The following FAM13A variants were observed in gnomAD, a reference collection of about 807,000 sequenced individuals.
FAM13A encodes the protein protein FAM13A.
A neutral mutation model predicts 129.6 loss-of-function variants in FAM13A; 76 were observed. That is an observed-to-expected ratio of 0.59 (90% CI 0.49 to 0.71). FAM13A has a LOEUF of 0.71. Among genes scored for constraint, FAM13A ranks in the 30% least tolerant of loss-of-function variants. FAM13A has a pLI of 0.00. For synonymous variants in FAM13A, 443 were observed against 449.9 expected (o/e 0.98, Z 0.20); for missense variants, 1,108 against 1,249.3 (o/e 0.89, Z 1.70).
At chr4:88,808,919 ATAAC>A (rs1354079134) in intron 7 of FAM13A, among the ~76,000 whole-genome samples, 1 of 152,172 alleles carries the variant, frequency 6.6e-6, no homozygotes, top group Non-Finnish European at 1.5e-5. Context: ...ATAGACCTAA[ATAAC>A]AGTCTAAATC....
intron 4 of FAM13A, among the ~76,000 whole-genome samples, chr4:88,938,913 C>T (rs756452878): frequency 3.3e-5 from 5 of 152,092 alleles, no homozygotes; most frequent in Non-Finnish European, 5.9e-5. Context: ...TCCTACTAAT[C>T]AACAGGTAAG....
At chr4:89,018,554 A>T (rs1410523939) in intron 3 of FAM13A, among the ~76,000 whole-genome samples, 1 of 152,252 alleles carries the variant, frequency 6.6e-6, no homozygotes, top group African/African-American at 2.4e-5. Context: ...ATTCTAAGCA[A>T]AAATGCTAGA....
At chr4:88,849,529 G>C (rs898096002) in intron 7 of FAM13A, among the ~76,000 whole-genome samples, 42 of 152,234 alleles carry the variant, frequency 2.8e-4, no homozygotes, top group African/African-American at 9.1e-4. Context: ...TTATGTCTCA[G>C]AACAAACTTT....
chr4:88,758,176 G>C (rs186554961), intron 14 of FAM13A, among the ~76,000 whole-genome samples: 2 of 151,734 alleles, frequency 1.3e-5, no homozygotes, highest in Non-Finnish European at 2.9e-5. Flanking sequence ...AAAGTCTCTA[G>C]GAAAAAAAAC....
At chr4:89,045,311 G>A (rs1770707639) in intron 1 of FAM13A, among the ~76,000 whole-genome samples, 1 of 152,066 alleles carries the variant, frequency 6.6e-6, no homozygotes, top group African/African-American at 2.4e-5. Context: ...CTCAGTAAGG[G>A]GCAGAGAGGA....
At chr4:89,039,802 T>A (rs1052790914) in intron 1 of FAM13A, among the ~76,000 whole-genome samples, 20 of 151,904 alleles carry the variant, frequency 1.3e-4, no homozygotes, top group Non-Finnish European at 1.9e-4. Context: ...AAATTTTTTT[T>A]AATTATCTGG....
chr4:88,899,847 A>G (rs1746981099), intron 6 of FAM13A, among the ~76,000 whole-genome samples: 1 of 152,120 alleles, frequency 6.6e-6, no homozygotes, highest in African/African-American at 2.4e-5. Flanking sequence ...GAGCTAAAGG[A>G]GCATGTTGTA....
chr4:88,740,635 A>C (rs1740046912), intron 19 of FAM13A, among the ~76,000 whole-genome samples: 1 of 152,168 alleles, frequency 6.6e-6, no homozygotes. Flanking sequence ...GTTAGCTTTG[A>C]CCATTTCTTT....
chr4:89,032,177 G>A (rs1487062818), intron 1 of FAM13A, among the ~76,000 whole-genome samples: 2 of 152,112 alleles, frequency 1.3e-5, no homozygotes, highest in Non-Finnish European at 2.9e-5. Context: ...CCTGGGAGGC[G>A]GAGCTTGCAG....
At position 88,938,118 on chromosome 4, in the gene FAM13A, A is replaced by G; in HGVS notation, c.729T>C (p.Cys243=). The G allele has an allele frequency of 6.2e-7, 1 of 1,613,640 alleles. No individual in the cohort carries two copies. The highest frequency in any genetic ancestry group is 8.5e-7 in the Non-Finnish European group (1 of 1,179,650). ...VEYTENDHLR[C]ENLARLIIVK... ...CTATGATAAGCCTAGCCAGGTTTTC[A>G]CATCTCAGATGATCATTTTCTGTAT... Residue 243 remains cysteine (C), a synonymous_variant, in exon 5 of 24, where the codon TGT becomes TGC. Coordinates refer to ENST00000264344, the MANE Select transcript of FAM13A (RefSeq NM_014883.4).
chr4:88,788,926 T>G (rs1724548195), intron 9 of FAM13A, among the ~76,000 whole-genome samples: 1 of 152,166 alleles, frequency 6.6e-6, no homozygotes, highest in South Asian at 2.1e-4. Flanking sequence ...AAAAATATTT[T>G]AAGATAATGA....
chr4:88,816,432 C>A (rs1369353911), intron 7 of FAM13A, among the ~76,000 whole-genome samples: 1 of 152,120 alleles, frequency 6.6e-6, no homozygotes, highest in Non-Finnish European at 1.5e-5. Flanking sequence ...GATATGCTTC[C>A]ATTAAATTTC....
At chr4:88,982,821 T>G (rs1023616006) in intron 4 of FAM13A, among the ~76,000 whole-genome samples, 3 of 152,212 alleles carry the variant, frequency 2.0e-5, no homozygotes, top group Admixed American at 2.0e-4. Context: ...ATGTAGTGAC[T>G]CTGTGAGGTG....
chr4:88,893,412 C>A (rs1745697206), intron 6 of FAM13A, among the ~76,000 whole-genome samples: 1 of 152,152 alleles, frequency 6.6e-6, no homozygotes, highest in Non-Finnish European at 1.5e-5. Flanking sequence ...ATCACGAGGT[C>A]ATGAGATTGA....
intron 7 of FAM13A, among the ~76,000 whole-genome samples, chr4:88,806,010 C>T (rs915723517): frequency 6.6e-6 from 1 of 152,036 alleles, no homozygotes. Flanking sequence ...GCTATATTTT[C>T]TTTTCCTTTC....
chr4:88,865,220 G>A (rs1443092263), intron 6 of FAM13A, among the ~76,000 whole-genome samples: 3 of 152,094 alleles, frequency 2.0e-5, no homozygotes, highest in Non-Finnish European at 4.4e-5. Flanking sequence ...AAGCCATATT[G>A]AGAAATGATT....
chr4:89,004,274 G>A (rs1332413908), intron 3 of FAM13A, among the ~76,000 whole-genome samples: 1 of 152,100 alleles, frequency 6.6e-6, no homozygotes, highest in Non-Finnish European at 1.5e-5. Flanking sequence ...GAGTAGCTGG[G>A]ATTACAGGCG....
At chr4:88,840,659 G>A (rs1735659627) in intron 7 of FAM13A, among the ~76,000 whole-genome samples, 1 of 150,696 alleles carries the variant, frequency 6.6e-6, no homozygotes, top group Non-Finnish European at 1.5e-5. Flanking sequence ...GGAGGTAGGA[G>A]GATAAGAGCA....
intron 11 of FAM13A, among the ~76,000 whole-genome samples, chr4:88,776,931 G>A (rs1217763923): frequency 2.6e-5 from 4 of 152,122 alleles, no homozygotes; most frequent in Non-Finnish European, 1.5e-5. Flanking sequence ...CTGAGATCAT[G>A]TCACTGCACT....
Sources: gnomAD v4.1 joint callset for allele counts (sites outside exome capture counted in the v4.1 genomes callset) on GRCh38, gnomAD v4.1.1 for gene constraint, MANE v1.5 for transcripts, NCBI Gene and HGNC (gene_info 2026-07-23, HGNC 2026-07-21) for gene names.